Variants in ELFN2 observed in about 807,000 individuals in gnomAD.
ELFN2 encodes protein phosphatase 1 regulatory subunit 29.
Under a neutral mutation model 45.5 loss-of-function variants are expected in ELFN2, and 17 were observed. The observed-to-expected ratio is 0.37, with a 90% CI of 0.26 to 0.56. ELFN2 has a LOEUF of 0.56. Among genes scored for constraint, ELFN2 ranks in the 20% least tolerant of loss-of-function variants. The pLI, the probability that ELFN2 is intolerant of heterozygous loss-of-function variation, is 0.77. For synonymous variants in ELFN2, 550 were observed against 551.5 expected (o/e 1.00, Z 0.04); for missense variants, 922 against 1,183.2 (o/e 0.78, Z 3.24).
intron 2 of ELFN2, among the ~76,000 whole-genome samples, chr22:37,413,971 C>T (rs1255700119): frequency 4.6e-5 from 7 of 152,238 alleles, no homozygotes; most frequent in Non-Finnish European, 1.0e-4. Flanking sequence ...GCGTGCCACT[C>T]ACAGCCTGCT....
chr22:37,412,480 C>T (rs938982119), intron 2 of ELFN2, among the ~76,000 whole-genome samples: 2 of 151,974 alleles, frequency 1.3e-5, no homozygotes, highest in Non-Finnish European at 2.9e-5. Context: ...CCACACAGCC[C>T]CCTACCTGAT....
At chr22:37,407,141 G>C (rs566176549) in intron 2 of ELFN2, among the ~76,000 whole-genome samples, 19 of 152,314 alleles carry the variant, frequency 1.2e-4, no homozygotes, top group Non-Finnish European at 2.8e-4. Flanking sequence ...GTGCGTGTGT[G>C]TGTGTGTCGT....
intron 2 of ELFN2, among the ~76,000 whole-genome samples, chr22:37,406,263 A>G (rs1483994826): frequency 1.3e-5 from 2 of 152,252 alleles, no homozygotes; most frequent in African/African-American, 4.8e-5. Flanking sequence ...GGCACACAGC[A>G]GGTGCTCAAC....
At chr22:37,414,697 C>T (rs1932734951) in intron 2 of ELFN2, among the ~76,000 whole-genome samples, 1 of 152,208 alleles carries the variant, frequency 6.6e-6, no homozygotes, top group Non-Finnish European at 1.5e-5. Flanking sequence ...TAAATGACAG[C>T]ATCGGGACAT....
Position 37,374,481 on chromosome 22 carries a change from G to C in ELFN2, c.1054C>G (p.Arg352Gly). The change falls in exon 3 of 3, where the codon CGG becomes GGG. Residue 352 changes from arginine to glycine, a missense_variant. Physicochemically the swap from Arg to Gly is moderately radical, Grantham distance 125. Transcript: ENST00000402918. ...KKEIVTLDKL[R>G]AHTEYTFCVT... ...CAGAAGGTGTACTCAGTGTGCGCCC[G>C]CAGTTTGTCCAGCGTCACGATCTCC... is the stretch of plus-strand genomic sequence containing the variant. 1 of 1,614,228 alleles carries C rather than the reference G, an allele frequency of 6.2e-7. No homozygotes were observed. The highest frequency in any genetic ancestry group is 8.5e-7 in the Non-Finnish European group (1 of 1,180,032).
intron 2 of ELFN2, among the ~76,000 whole-genome samples, chr22:37,396,352 G>A (rs139469133): frequency 8.9e-4 from 136 of 152,256 alleles, no homozygotes; most frequent in Middle Eastern, 3.4e-3. Context: ...CCATGTCCCC[G>A]GCCCCCAACA....
intron 2 of ELFN2, among the ~76,000 whole-genome samples, chr22:37,407,101 G>A (rs1251058764): frequency 6.6e-6 from 1 of 152,234 alleles, no homozygotes; most frequent in African/African-American, 2.4e-5. Context: ...ATGGCCTACT[G>A]GGTGTGTGCA....
intron 2 of ELFN2, among the ~76,000 whole-genome samples, chr22:37,392,318 C>CTTTT (rs1285741986): frequency 8.4e-5 from 11 of 131,176 alleles, no homozygotes; most frequent in African/African-American, 2.3e-4. Flanking sequence ...GTTGGATTCT[C>CTTTT]TTTTTTTTTT....
intron 2 of ELFN2, among the ~76,000 whole-genome samples, chr22:37,397,246 GC>G (rs1328640159): frequency 1.2e-4 from 19 of 152,182 alleles, no homozygotes; most frequent in Admixed American, 3.9e-4. Flanking sequence ...AGCACGGCGT[GC>G]CCCTCTGTGC....
chr22:37,354,549 A>G (rs1051495296), intron 1 of ELFN2: 3 of 152,058 alleles, frequency 2.0e-5, no homozygotes, highest in African/African-American at 7.3e-5. Context: ...AAAGAAACAC[A>G]CACACACACA....
intron 2 of ELFN2, among the ~76,000 whole-genome samples, chr22:37,413,424 T>C (rs1932701564): frequency 6.7e-6 from 1 of 150,148 alleles, no homozygotes; most frequent in African/African-American, 2.5e-5. Context: ...AAGCTTGGCA[T>C]GGTGGTATGT....
At chr22:37,364,026 T>A (rs1407222733), downstream of ELFN2, among the ~76,000 whole-genome samples, 6 of 152,178 alleles carry the variant, frequency 3.9e-5, no homozygotes, top group Admixed American at 1.3e-4. Context: ...ACCAGGAAGC[T>A]GCAGATGGGA....
At chr22:37,389,877 G>A (rs539374083) in intron 2 of ELFN2, among the ~76,000 whole-genome samples, 9 of 152,188 alleles carry the variant, frequency 5.9e-5, no homozygotes, top group East Asian at 1.9e-4. Flanking sequence ...ATTGAATTGC[G>A]CTCAGGGCGG....
At chr22:37,415,375 C>T (rs1238815323) in intron 2 of ELFN2, among the ~76,000 whole-genome samples, 3 of 152,234 alleles carry the variant, frequency 2.0e-5, no homozygotes, top group African/African-American at 7.2e-5. Context: ...GCTCAGGCAA[C>T]GGCTGTGGGG....
At chr22:37,395,824 AG>A (rs555985034) in intron 2 of ELFN2, among the ~76,000 whole-genome samples, 1 of 148,438 alleles carries the variant, frequency 6.7e-6, no homozygotes, top group Admixed American at 6.7e-5. Context: ...AGGGAGGCCC[AG>A]GGTGGGAGGG....
At position 37,373,462 on chromosome 22, in the gene ELFN2, G is replaced by A. The variant is rs878884083; in HGVS notation, c.2073C>T (p.Gly691=). 3.6e-5 allele frequency: 55 copies of A among 1,522,488 alleles called. No individual in the cohort carries two copies. Among genetic ancestry groups the A allele is most frequent in the Non-Finnish European group, 4.3e-5 (49 of 1,137,390 alleles). 94.3% of individuals were successfully genotyped at this position (1,522,488 alleles called of 1,614,324 possible). A position where few individuals can be genotyped will look rare whatever the true frequency, so the allele number is the denominator to read the frequency against. Residue 691 remains glycine (G), a synonymous_variant, in exon 3 of 3, where the codon GGC becomes GGT. Transcript: ENST00000402918. The stretch of plus-strand genomic sequence containing the variant: ...TCACCTCCAGGTGGTGGATGCCCCC[G>A]CCCCCGCCGCTGCCCCCGCCGCTGC... ...PAGSGGGSGG[G]GGIHHLEVKP... is the part of the protein sequence containing the mutation.
chr22:37,363,932 T>G (rs1249157190), downstream of ELFN2, among the ~76,000 whole-genome samples: 1 of 152,070 alleles, frequency 6.6e-6, no homozygotes, highest in Non-Finnish European at 1.5e-5. Context: ...TAGCATCAGG[T>G]CTCCTTCCTT....
rs1306655110 is a variant in ELFN2, at chr22:37,370,619, A to C, written c.*2453T>G. On this transcript the variant is annotated 3_prime_UTR_variant, in exon 3 of 3. Coordinates refer to ENST00000402918, the MANE Select transcript of ELFN2 (RefSeq NM_052906.5). The stretch of plus-strand genomic sequence containing the variant: ...GGACAAGGGAGGTGGCAGTGGAGAG[A>C]GGGAGGGAGGAAGGGAGGTGGCACA... 1 of 152,116 alleles carries C rather than the reference A, an allele frequency of 6.6e-6. No individual in the cohort carries two copies. The highest frequency in any genetic ancestry group is 1.5e-5 in the Non-Finnish European group (1 of 68,062). 9.4% of individuals were successfully genotyped at this position (152,116 alleles called of 1,614,324 possible). A position where few individuals can be genotyped will look rare whatever the true frequency, so the allele number is the denominator to read the frequency against.
intron 1 of ELFN2, among the ~76,000 whole-genome samples, chr22:37,345,461 C>T (rs1458821835): frequency 6.6e-6 from 1 of 152,190 alleles, no homozygotes; most frequent in Admixed American, 6.5e-5. Flanking sequence ...AACGCCCTGG[C>T]ACACAGTAGG....
Sources: gnomAD v4.1 joint callset for allele counts (sites outside exome capture counted in the v4.1 genomes callset) on GRCh38, gnomAD v4.1.1 for gene constraint, MANE v1.5 for transcripts, NCBI Gene and HGNC (gene_info 2026-07-23, HGNC 2026-07-21) for gene names.